POLI: variants seen among roughly 807,000 people sequenced by gnomAD.
The protein encoded by POLI is RAD30 homolog B.
In POLI, 58 loss-of-function variants were observed where a neutral mutation model predicts 51.6. The ratio of observed to expected loss-of-function variants is 1.12; its 90% CI spans 0.91 to 1.40. The LOEUF is 1.40. Among genes scored for constraint, POLI ranks in the 40% most tolerant of loss-of-function variants. The probability of loss-of-function intolerance (pLI) is 0.00; values close to 1 mark genes in which losing one functional copy is unlikely to be tolerated. For missense variants in POLI, 921 were observed against 871.3 expected (o/e 1.06, Z -0.72); for synonymous variants, 322 against 299.7 (o/e 1.07, Z -0.77).
At chr18:54,288,637 C>CTTTTTT (rs562350684) in intron 8 of POLI, among the ~76,000 whole-genome samples, 1 of 145,610 alleles carries the variant, frequency 6.9e-6, no homozygotes, top group African/African-American at 2.5e-5. Flanking sequence ...TTTCTGTAGT[C>CTTTTTT]TTTTTTTTTT....
Position 54,296,732 on chromosome 18 carries a change from G to C in POLI, c.*2265G>C, listed in dbSNP as rs554738777. 1 of 228,852 alleles carries C rather than the reference G, an allele frequency of 4.4e-6. No homozygotes were observed. Among genetic ancestry groups the C allele is most frequent in the Admixed American group, 6.5e-5 (1 of 15,344 alleles). 14.2% of individuals were successfully genotyped at this position (228,852 alleles called of 1,614,324 possible). A position where few individuals can be genotyped will look rare whatever the true frequency, so the allele number is the denominator to read the frequency against. On this transcript the variant is annotated 3_prime_UTR_variant, in exon 10 of 10. Transcript: ENST00000579534. ...TTTCTGTTTACTAGTTCATTTTTCA[G>C]TAGCATCTCACCTGCTATTTAAAAC...
chr18:54,310,305 T>A (rs2088653567), intron 3 of POLI, among the ~76,000 whole-genome samples: 1 of 152,230 alleles, frequency 6.6e-6, no homozygotes, highest in Admixed American at 6.5e-5. Context: ...CCTTCAAGGT[T>A]CCTGAGCTGT....
rs2088313456 is a variant in POLI at position 54,296,097 on chromosome 18, A to AT, written c.*1636dup. On this transcript the variant is annotated 3_prime_UTR_variant, in exon 10 of 10. Coordinates refer to ENST00000579534, the MANE Select transcript of POLI (RefSeq NM_007195.3). ...AGTACTCTGAATCAAGGAACATAGT[A>AT]TTTTTTACATGAGTATTCCAGTAAG... 2.1e-5 allele frequency: 21 copies of AT among 983,862 alleles called. No homozygotes were observed. The highest frequency in any genetic ancestry group is 2.5e-5 in the Non-Finnish European group (21 of 828,514). 60.9% of individuals were successfully genotyped at this position (983,862 alleles called of 1,614,324 possible).
At chr18:54,306,217 T>C (rs1032066743) in intron 3 of POLI, among the ~76,000 whole-genome samples, 2 of 152,220 alleles carry the variant, frequency 1.3e-5, no homozygotes, top group Admixed American at 6.5e-5. Flanking sequence ...GGGTCTGTGC[T>C]AAATAGCTCT....
rs532561450 is a variant in POLI, at chr18:54,275,246, C to T, written c.406+1156C>T. 3.3e-5 allele frequency among the ~76,000 whole-genome samples: 5 copies of T among 152,230 alleles called. No homozygotes were observed. In the South Asian group the frequency reaches 8.3e-4, roughly 25 times the overall value. ...AGCTGAGGTAGGAGGATTGCTTGAG[C>T]CTAGAAGCTCGAGGCTGTGAGCCGT... On this transcript the variant is annotated intron_variant, in intron 3 of 9. Transcript: ENST00000579534.
chr18:54,274,219 G>A (rs2087138529), intron 3 of POLI, 129 bp downstream of exon 3: 1 of 437,712 alleles, frequency 2.3e-6, no homozygotes, highest in Non-Finnish European at 3.9e-6. Context: ...TCTTATTTTG[G>A]GTCTTGTCAA....
Position 54,297,870 on chromosome 18 carries a change from G to C in POLI, c.*3403G>C. ...ATTTTTTTGATGGGACATGGTGGGGGCTTACCTTTTTTCTTGTGTGTCAGA... is the reference window on the plus strand; with the variant it reads ...ATTTTTTTGATGGGACATGGTGGGGCCTTACCTTTTTTCTTGTGTGTCAGA... On this transcript the variant is annotated 3_prime_UTR_variant, in exon 10 of 10. Transcript: ENST00000579534. The C allele has an allele frequency of 2.0e-6, 2 of 981,608 alleles. No homozygotes were observed. The highest frequency in any genetic ancestry group is 2.4e-6 in the Non-Finnish European group (2 of 826,542). 60.8% of individuals were successfully genotyped at this position (981,608 alleles called of 1,614,324 possible).
chr18:54,280,610 T>C, intron 4 of POLI, 57 bp from the exon 5 acceptor site: 1 of 1,149,928 alleles, frequency 8.7e-7, no homozygotes, highest in Non-Finnish European at 1.3e-6. Context: ...AAAATTATTT[T>C]GTGAAAAAGA....
chr18:54,286,534 CTTTT>C lies in POLI; in HGVS notation c.1068-742_1068-739del, dbSNP rs977335566. Among the ~76,000 whole-genome samples, 1,164 of 151,552 alleles carry C rather than the reference CTTTT, an allele frequency of 7.7e-3. 22 individuals are homozygous for C. Among genetic ancestry groups the C allele is most frequent in the African/African-American group, 0.027 (1,115 of 41,320 alleles). Reference sequence around the variant, plus strand: ...GTAATGTCATTTTGTAAAAAAAAATCTTTTTTTTGGTAATCTCGTAAGAAAAAAG... The same window carrying C: ...GTAATGTCATTTTGTAAAAAAAAATCTTTTGGTAATCTCGTAAGAAAAAAG... On this transcript the variant is annotated intron_variant, in intron 7 of 9. Transcript: ENST00000579534.
chr18:54,295,025 A>C lies in POLI; in HGVS notation c.*558A>C, dbSNP rs2088246309. 1 of 985,270 alleles carries C rather than the reference A, an allele frequency of 1.0e-6. No homozygotes were observed. The highest frequency in any genetic ancestry group is 1.7e-5 in the African/African-American group (1 of 57,242). The allele number at this position is 985,270 out of a possible 1,614,324, so 61.0% of individuals were successfully genotyped here. A position where few individuals can be genotyped will look rare whatever the true frequency, so the allele number is the denominator to read the frequency against. ...ATACACCAAGAATCTACCACAATACACAGCACACAAAGGCCGTTCAATAAA... is the reference window on the plus strand; with the variant it reads ...ATACACCAAGAATCTACCACAATACCCAGCACACAAAGGCCGTTCAATAAA... On this transcript the variant is annotated 3_prime_UTR_variant, in exon 10 of 10. Transcript: ENST00000579534.
chr18:54,293,316 A>T (rs1245591788), intron 9 of POLI, among the ~76,000 whole-genome samples: 1 of 151,964 alleles, frequency 6.6e-6, no homozygotes, highest in Non-Finnish European at 1.5e-5. Context: ...CCTTAGGTGA[A>T]CTTGCTTTTC....
Position 54,269,653 on chromosome 18 carries a change from G to C in POLI, c.107G>C (p.Ser36Thr), listed in dbSNP as rs1359154544. Reference protein sequence around the residue: ...MELADVGAAASSQGVHDQVLP... With the variant: ...MELADVGAAATSQGVHDQVLP... ...CTGGCGGACGTGGGGGCGGCAGCCA[G>C]CTCGCAGGGTGCGCCGCAGCCAGAG... Residue 36 changes from serine (S) to threonine (T), a missense_variant, in exon 1 of 10, where the codon AGC becomes ACC. Ser to Thr is a moderately conservative substitution (Grantham distance 58, BLOSUM62 1). Coordinates refer to ENST00000579534, the MANE Select transcript of POLI (RefSeq NM_007195.3). 6.6e-7 allele frequency: 1 copy of C among 1,506,528 alleles called. No homozygotes were observed. Among genetic ancestry groups the C allele is most frequent in the South Asian group, 1.2e-5 (1 of 81,452 alleles). 93.3% of individuals were successfully genotyped at this position (1,506,528 alleles called of 1,614,324 possible).
In POLI at chr18:54,295,944, A is replaced by C. The variant is rs1175777026; in HGVS notation, c.*1477A>C. On this transcript the variant is annotated 3_prime_UTR_variant, in exon 10 of 10. Transcript: ENST00000579534. The stretch of plus-strand genomic sequence containing the variant: ...TCCTGGCCCCAGCTCTGAAATTTTA[A>C]CTTAGTTTTGGATTCCTTGGAATTT... 6 of 985,026 alleles carry C rather than the reference A, an allele frequency of 6.1e-6. No individual in the cohort carries two copies. In the East Asian group the frequency reaches 6.8e-4, roughly 112 times the overall value. The allele number at this position is 985,026 out of a possible 1,614,324, so 61.0% of individuals were successfully genotyped here.
chr18:54,282,407 A>G (rs2087541808), intron 5 of POLI, among the ~76,000 whole-genome samples: 3 of 152,168 alleles, frequency 2.0e-5, no homozygotes, highest in South Asian at 4.1e-4. Flanking sequence ...TGCAAAATAC[A>G]GTAGTCCCCC....
rs766263504 is a variant in POLI at position 54,280,707 on chromosome 18, T to C, written c.600T>C (p.Val200=). 5.6e-6 allele frequency: 9 copies of C among 1,613,626 alleles called. No individual in the cohort carries two copies. Among genetic ancestry groups the C allele is most frequent in the African/African-American group, 1.3e-5 (1 of 74,936 alleles). ...LLDVLHIRLL[V]GSQIAAEMRE... is the part of the protein sequence containing the mutation. ...ACGTCTTGCACATCAGACTACTTGT[T>C]GGATCTCAGATTGCAGCAGAGATGC... Residue 200 remains valine (V), a synonymous_variant, in exon 5 of 10, where the codon GTT becomes GTC. Transcript: ENST00000579534.
In POLI at chr18:54,269,632, C is replaced by G; in HGVS notation, c.86C>G (p.Ala29Gly). Residue 29 changes from alanine (A) to glycine (G), a missense_variant, in exon 1 of 10, where the codon GCG becomes GGG. Transcript: ENST00000579534. ...GCCGAGGCCTGGGCCATGGAACTGG[C>G]GGACGTGGGGGCGGCAGCCAGCTCG... The part of the protein sequence containing the change: ...EDAEAWAMEL[A>G]DVGAAASSQG... 2.0e-6 allele frequency: 3 copies of G among 1,508,240 alleles called. No individual in the cohort carries two copies. Among genetic ancestry groups the G allele is most frequent in the Non-Finnish European group, 2.7e-6 (3 of 1,130,924 alleles). The allele number at this position is 1,508,240 out of a possible 1,614,324, so 93.4% of individuals were successfully genotyped here. A position where few individuals can be genotyped will look rare whatever the true frequency, so the allele number is the denominator to read the frequency against.
At chr18:54,312,230 T>A (rs1337941835) in intron 3 of POLI, among the ~76,000 whole-genome samples, 1 of 152,236 alleles carries the variant, frequency 6.6e-6, no homozygotes, top group African/African-American at 2.4e-5. Context: ...CTGTGTTTTT[T>A]GCTTAGGATA....
intron 7 of POLI, among the ~76,000 whole-genome samples, chr18:54,286,218 C>T (rs950686305): frequency 1.2e-4 from 19 of 152,182 alleles, no homozygotes; most frequent in Non-Finnish European, 2.5e-4. Context: ...TAACAATGTG[C>T]AATACTTGCA....
chr18:54,297,392 T>C lies in POLI; in HGVS notation c.*2925T>C. ...GTATAGTGTAGAGGGGGTTTCTGTC[T>C]TGAGTGTAGGCCTGGAGATTTCCCT... On this transcript the variant is annotated 3_prime_UTR_variant, in exon 10 of 10. Transcript: ENST00000579534. 1 of 984,144 alleles carries C rather than the reference T, an allele frequency of 1.0e-6. No individual in the cohort carries two copies. The highest frequency in any genetic ancestry group is 1.2e-6 in the Non-Finnish European group (1 of 828,908). 61.0% of individuals were successfully genotyped at this position (984,144 alleles called of 1,614,324 possible).
Sources: allele counts gnomAD v4.1 joint callset (sites outside exome capture counted in the v4.1 genomes callset), GRCh38; gene constraint gnomAD v4.1.1; transcripts MANE v1.5; gene names NCBI Gene and HGNC (gene_info 2026-07-23, HGNC 2026-07-21).